The following CCR3 variants were observed in gnomAD, a reference collection of about 807,000 sequenced individuals.
CCR3 encodes C-C motif chemokine receptor 3, also known as C-C chemokine receptor type 3.
For synonymous variants in CCR3, 203 were observed against 179.2 expected (o/e 1.13, Z -1.06); for missense variants, 419 against 437.5 (o/e 0.96, Z 0.38).
intron 1 of CCR3, chr3:46,264,326 G>A (rs1181500164): frequency 1.0e-6 from 1 of 962,382 alleles, no homozygotes; most frequent in South Asian, 1.4e-5. Context: ...TGTAATTATT[G>A]TAATAGTTAA....
At chr3:46,211,226 T>A (rs1265739026) in intron 2 of CCR3, among the ~76,000 whole-genome samples, 1 of 147,680 alleles carries the variant, frequency 6.8e-6, no homozygotes, top group Non-Finnish European at 1.5e-5. Flanking sequence ...TTAGACAAGG[T>A]CTTGCTCTGT....
At chr3:46,250,143 A>G (rs534969901) in intron 1 of CCR3, among the ~76,000 whole-genome samples, 55 of 152,222 alleles carry the variant, frequency 3.6e-4, no homozygotes, top group African/African-American at 1.3e-3. Flanking sequence ...GGGATAAAGA[A>G]AAAGGAGCAT....
At chr3:46,238,681 C>T (rs976995085), upstream of CCR3, among the ~76,000 whole-genome samples, 1 of 152,130 alleles carries the variant, frequency 6.6e-6, no homozygotes, top group African/African-American at 2.4e-5. Context: ...CAGGAGACAA[C>T]ACAAAACTTG....
chr3:46,235,400 C>T (rs576571778), intron 2 of CCR3, among the ~76,000 whole-genome samples: 5 of 152,272 alleles, frequency 3.3e-5, no homozygotes, highest in Admixed American at 1.3e-4. Context: ...GCATTGGAGG[C>T]GCACTTCCTA....
At chr3:46,247,507 C>T (rs1700220193) in intron 1 of CCR3, among the ~76,000 whole-genome samples, 1 of 152,098 alleles carries the variant, frequency 6.6e-6, no homozygotes, top group African/African-American at 2.4e-5. Flanking sequence ...TTTAAAAGAC[C>T]TTTAGTCCGT....
chr3:46,228,651 A>G (rs918278930), intron 2 of CCR3, among the ~76,000 whole-genome samples: 3 of 152,244 alleles, frequency 2.0e-5, no homozygotes, highest in Non-Finnish European at 2.9e-5. Context: ...GTTCTGCCCA[A>G]TGTTAACAGC....
chr3:46,238,088 T>C (rs1470807097), upstream of CCR3, among the ~76,000 whole-genome samples: 3 of 152,246 alleles, frequency 2.0e-5, no homozygotes, highest in South Asian at 4.1e-4. Context: ...TTCTGACAGA[T>C]TGATACTTTT....
intron 1 of CCR3, among the ~76,000 whole-genome samples, chr3:46,244,418 C>A (rs1039707273): frequency 2.0e-5 from 3 of 152,142 alleles, no homozygotes; most frequent in African/African-American, 7.2e-5. Flanking sequence ...TTTGTGTGAG[C>A]AATAAAGCTT....
chr3:46,226,336 T>G (rs1249832725), intron 2 of CCR3, among the ~76,000 whole-genome samples: 3 of 152,204 alleles, frequency 2.0e-5, no homozygotes, highest in Non-Finnish European at 4.4e-5. Context: ...CTATATTTAT[T>G]TAGGTCTTCT....
In CCR3 at chr3:46,265,542, A is replaced by T; in HGVS notation, c.384A>T (p.Thr128=). ...AGATCTTTTTCATAATCCTGCTGAC[A>T]ATCGACAGGTACCTGGCCATTGTCC... The part of the protein sequence containing the change: ...YSEIFFIILL[T]IDRYLAIVHA... The change falls in exon 2 of 2, where the codon ACA becomes ACT. Residue 128 remains threonine (T), a synonymous_variant. Transcript: ENST00000395940. 1.2e-6 allele frequency: 2 copies of T among 1,614,120 alleles called. No individual in the cohort carries two copies. The highest frequency in any genetic ancestry group is 2.2e-5 in the South Asian group (2 of 91,076).
At chr3:46,220,974 CA>C (rs1699829434) in intron 2 of CCR3, among the ~76,000 whole-genome samples, 2 of 152,284 alleles carry the variant, frequency 1.3e-5, no homozygotes, top group Non-Finnish European at 2.9e-5. Flanking sequence ...TGTAACCAAA[CA>C]CCACGTGTTC....
At chr3:46,251,675 C>T (rs1364542378) in intron 1 of CCR3, among the ~76,000 whole-genome samples, 1 of 152,110 alleles carries the variant, frequency 6.6e-6, no homozygotes, top group Non-Finnish European at 1.5e-5. Context: ...TTTATTTCAC[C>T]TGAGTGCAGG....
At chr3:46,233,916 A>C (rs1244925788) in intron 2 of CCR3, among the ~76,000 whole-genome samples, 1 of 152,216 alleles carries the variant, frequency 6.6e-6, no homozygotes, top group African/African-American at 2.4e-5. Flanking sequence ...GCTTTTGCCA[A>C]GTCCCTCATT....
intron 2 of CCR3, among the ~76,000 whole-genome samples, chr3:46,232,818 C>T (rs1383174364): frequency 1.3e-5 from 2 of 152,218 alleles, no homozygotes; most frequent in Non-Finnish European, 2.9e-5. Context: ...AATAGGCTAT[C>T]TATCAGGGGA....
intron 1 of CCR3, among the ~76,000 whole-genome samples, chr3:46,249,226 G>C (rs917537553): frequency 6.6e-6 from 1 of 152,124 alleles, no homozygotes; most frequent in Admixed American, 6.5e-5. Context: ...ATGAGATGCG[G>C]CTATAGTCCA....
chr3:46,223,045 G>C (rs1699854563), intron 2 of CCR3, among the ~76,000 whole-genome samples: 1 of 152,174 alleles, frequency 6.6e-6, no homozygotes, highest in African/African-American at 2.4e-5. Flanking sequence ...TTACAGTCTT[G>C]CATGCCAAGT....
chr3:46,219,464 C>T (rs1431811120), intron 2 of CCR3, among the ~76,000 whole-genome samples: 1 of 151,998 alleles, frequency 6.6e-6, no homozygotes, highest in Non-Finnish European at 1.5e-5. Context: ...CATCATTCTT[C>T]ACAGAACTAG....
chr3:46,244,477 G>A (rs1205600448), intron 1 of CCR3, among the ~76,000 whole-genome samples: 1 of 152,182 alleles, frequency 6.6e-6, no homozygotes, highest in African/African-American at 2.4e-5. Context: ...AGTCAGCGAA[G>A]GGAGATAAGG....
At chr3:46,245,067 G>A (rs1001570722) in intron 1 of CCR3, among the ~76,000 whole-genome samples, 10 of 152,024 alleles carry the variant, frequency 6.6e-5, no homozygotes, top group African/African-American at 9.7e-5. Flanking sequence ...TGAACTGACC[G>A]CACTCAGACA....
Sources: gnomAD v4.1 joint callset for allele counts (sites outside exome capture counted in the v4.1 genomes callset) on GRCh38, gnomAD v4.1.1 for gene constraint, MANE v1.5 for transcripts, NCBI Gene and HGNC (gene_info 2026-07-23, HGNC 2026-07-21) for gene names.